SKOR2: variants seen among roughly 807,000 people sequenced by gnomAD.
SKOR2 encodes the protein SKI family transcriptional corepressor 2, also known as LBX1 corepressor 1-like protein.
A neutral mutation model predicts 69.1 loss-of-function variants in SKOR2; 47 were observed. The observed-to-expected ratio is 0.68, with a 90% CI of 0.54 to 0.87. The LOEUF (loss-of-function observed/expected upper bound fraction) is 0.87. Among genes scored for constraint, SKOR2 ranks in the 40% least tolerant of loss-of-function variants. SKOR2 has a pLI of 0.00. For synonymous variants in SKOR2, 717 were observed against 672.6 expected (o/e 1.07, Z -1.02); for missense variants, 1,404 against 1,472.2 (o/e 0.95, Z 0.76).
At position 47,248,561 on chromosome 18, in the gene SKOR2, G is replaced by T; in HGVS notation, c.623C>A (p.Ser208Ter). ...GGTGAGCTTGAGATGACGGCGCCAC[G>T]AGTTGAAGTTGGCTGCGTCTGGCTG... ...YTQPDAANFN[S>*]WRRHLKLTDK... The change falls in exon 2 of 9, where the codon TCG (serine) becomes TAG (stop). Residue 208 changes from serine (S) to a stop codon, truncating the protein, a stop_gained. Transcript: ENST00000425639. LOFTEE classifies it high-confidence loss of function. The surrounding 1 kb of genome is among the most constrained non-coding windows in gnomAD (Gnocchi z 6.4). 6.5e-7 allele frequency: 1 copy of T among 1,537,932 alleles called. No individual in the cohort carries two copies. Among genetic ancestry groups the T allele is most frequent in the Non-Finnish European group, 8.7e-7 (1 of 1,147,156 alleles).
chr18:47,246,733 G>A lies in SKOR2; in HGVS notation c.2451C>T (p.Ser817=), dbSNP rs1182410664. The A allele has an allele frequency of 1.4e-6, 2 of 1,434,696 alleles. No homozygotes were observed. The highest frequency in any genetic ancestry group is 1.8e-6 in the Non-Finnish European group (2 of 1,106,816). The allele number at this position is 1,434,696 out of a possible 1,614,324, so 88.9% of individuals were successfully genotyped here. A position where few individuals can be genotyped will look rare whatever the true frequency, so the allele number is the denominator to read the frequency against. ...AGAFPLGLNS[S]RLLQEDGKLG... ...GTTTCCCGTCTTCCTGCAGCAGCCT[G>A]GAGGAGTTCAGGCCGAGCGGGAACG... is the stretch of plus-strand genomic sequence containing the variant. The change falls in exon 2 of 9, where the codon TCC becomes TCT. Residue 817 remains serine, a synonymous_variant. Transcript: ENST00000425639.
intron 7 of SKOR2, among the ~76,000 whole-genome samples, chr18:47,218,329 C>T (rs1364168128): frequency 6.6e-6 from 1 of 152,020 alleles, no homozygotes; most frequent in East Asian, 1.9e-4. Context: ...GTGGTTCATG[C>T]CTGTAATCCC....
intron 6 of SKOR2, 72 bp downstream of exon 6, chr18:47,230,387 C>T: frequency 1.1e-6 from 1 of 910,110 alleles, no homozygotes; most frequent in Non-Finnish European, 1.5e-6. Flanking sequence ...TACTTAGAAT[C>T]ACATTCTTAA....
chr18:47,231,263 A>G (rs1482929143), intron 4 of SKOR2: 2 of 1,193,412 alleles, frequency 1.7e-6, no homozygotes, highest in Non-Finnish European at 1.2e-6. Flanking sequence ...TTCCCTCTCC[A>G]ACCCCCTACC....
At chr18:47,210,963 A>C (rs2064126111) in intron 8 of SKOR2, among the ~76,000 whole-genome samples, 1 of 152,210 alleles carries the variant, frequency 6.6e-6, no homozygotes, top group South Asian at 2.1e-4. Flanking sequence ...AAGGGAAAGC[A>C]CATGGATGAA....
intron 8 of SKOR2, among the ~76,000 whole-genome samples, chr18:47,209,502 C>G (rs1257211354): frequency 1.3e-5 from 2 of 152,152 alleles, no homozygotes; most frequent in Non-Finnish European, 2.9e-5. Context: ...GCTGATTTAG[C>G]TAAGCATTTA....
chr18:47,212,014 T>C (rs2064129360), intron 8 of SKOR2, 72 bp downstream of exon 8: 2 of 1,212,112 alleles, frequency 1.7e-6, no homozygotes, highest in South Asian at 8.4e-5. Context: ...TTCAAACACA[T>C]CAATAAAGAA....
intron 4 of SKOR2, among the ~76,000 whole-genome samples, 152 bp downstream of exon 4, chr18:47,244,756 C>T (rs989595297): frequency 1.3e-5 from 2 of 152,162 alleles, no homozygotes; most frequent in African/African-American, 4.8e-5. Flanking sequence ...ATTAATGTCA[C>T]TGCTTCCCCA....
chr18:47,242,124 G>T (rs2064251740), intron 4 of SKOR2, among the ~76,000 whole-genome samples: 1 of 152,066 alleles, frequency 6.6e-6, no homozygotes, highest in Non-Finnish European at 1.5e-5. Context: ...TCATTCTTAA[G>T]GTTCTGATGG....
chr18:47,215,137 C>T (rs1468662215), intron 7 of SKOR2, among the ~76,000 whole-genome samples: 1 of 152,044 alleles, frequency 6.6e-6, no homozygotes, highest in African/African-American at 2.4e-5. Context: ...TGTCAAGGTG[C>T]ACAACAGTAG....
In SKOR2 at chr18:47,244,177, ACTCT is replaced by A. The variant is rs561616641; in HGVS notation, c.2752+727_2752+730del. Among the ~76,000 whole-genome samples the A allele has an allele frequency of 2.5e-4, 37 of 149,776 alleles. No individual in the cohort carries two copies. The South Asian group carries it at 7.2e-3, about 29-fold the overall frequency. ...TTTCTTTATTTCTGCTCTCTACACC[ACTCT>A]CTCTCTCTCCCTCACTTCCTAGCTT... On this transcript the variant is annotated intron_variant, in intron 4 of 8. Transcript: ENST00000425639.
intron 6 of SKOR2, among the ~76,000 whole-genome samples, chr18:47,222,775 G>C (rs72913164): frequency 0.012 from 1,882 of 152,358 alleles, 26 homozygotes; most frequent in Non-Finnish European, 0.019. Context: ...ACTTCCCTGG[G>C]ATCACAGAAG....
intron 4 of SKOR2, among the ~76,000 whole-genome samples, chr18:47,244,290 T>C (rs1016623764): frequency 2.0e-5 from 3 of 152,182 alleles, no homozygotes; most frequent in African/African-American, 7.2e-5. Context: ...TAACCGTGAA[T>C]AGTCAAAGCC....
At position 47,248,770 on chromosome 18, in the gene SKOR2, C is replaced by T. The variant is rs901857840; in HGVS notation, c.414G>A (p.Lys138=). The T allele has an allele frequency of 1.3e-6, 2 of 1,549,742 alleles. No homozygotes were observed. Among genetic ancestry groups the T allele is most frequent in the Non-Finnish European group, 8.7e-7 (1 of 1,154,230 alleles). Residue 138 remains lysine, a synonymous_variant, in exon 2 of 9, where the codon AAG becomes AAA. Coordinates refer to ENST00000425639, the MANE Select transcript of SKOR2 (RefSeq NM_001278063.4). The surrounding 1 kb of genome is among the most constrained non-coding windows in gnomAD (Gnocchi z 6.4). ...CGTCGAAGGCGAAATTGTCTGGCAGCTTGGGCGGCCTGTTTTCGCCCAGGA... is the reference window on the plus strand; with the variant it reads ...CGTCGAAGGCGAAATTGTCTGGCAGTTTGGGCGGCCTGTTTTCGCCCAGGA... ...KSFLGENRPP[K]LPDNFAFDVS... is the part of the protein sequence containing the mutation.
At chr18:47,242,770 C>G (rs1051463991) in intron 4 of SKOR2, among the ~76,000 whole-genome samples, 5 of 151,824 alleles carry the variant, frequency 3.3e-5, no homozygotes, top group African/African-American at 1.2e-4. Context: ...TACCAATAGC[C>G]GACTCCAAGG....
At chr18:47,239,583 A>T (rs2064239977) in intron 4 of SKOR2, among the ~76,000 whole-genome samples, 1 of 152,240 alleles carries the variant, frequency 6.6e-6, no homozygotes, top group Non-Finnish European at 1.5e-5. Flanking sequence ...TCTCGAGTTC[A>T]TTTAGAAAGC....
At position 47,239,089 on chromosome 18, in the gene SKOR2, A is replaced by G. The variant is rs536664160; in HGVS notation, c.2752+5819T>C. 2.6e-5 allele frequency among the ~76,000 whole-genome samples: 4 copies of G among 152,368 alleles called. No individual in the cohort carries two copies. In the South Asian group the frequency reaches 8.3e-4, roughly 32 times the overall value. Reference sequence around the variant, plus strand: ...ATACTCTTAGAGGTATAATTTGGATAGGGTCAAAGTTAACCTACAGTTAGT... The same window carrying G: ...ATACTCTTAGAGGTATAATTTGGATGGGGTCAAAGTTAACCTACAGTTAGT... On this transcript the variant is annotated intron_variant, in intron 4 of 8. Coordinates refer to ENST00000425639, the MANE Select transcript of SKOR2 (RefSeq NM_001278063.4).
intron 7 of SKOR2, among the ~76,000 whole-genome samples, chr18:47,213,880 C>T (rs1027348615): frequency 6.6e-6 from 1 of 152,084 alleles, no homozygotes; most frequent in Admixed American, 6.6e-5. Context: ...AACACAGACC[C>T]CTTTGAATAT....
At chr18:47,209,342 A>T (rs1237623105) in intron 8 of SKOR2, among the ~76,000 whole-genome samples, 2 of 152,108 alleles carry the variant, frequency 1.3e-5, no homozygotes, top group Non-Finnish European at 2.9e-5. Context: ...TAATTTGGAA[A>T]CCTGTGGTCA....
Sources: gnomAD v4.1 joint callset for allele counts (sites outside exome capture counted in the v4.1 genomes callset) on GRCh38, gnomAD v4.1.1 for gene constraint, Gnocchi (gnomAD v3.1) non-coding constraint, MANE v1.5 for transcripts, NCBI Gene and HGNC (gene_info 2026-07-23, HGNC 2026-07-21) for gene names.